ATP8A1: variants seen among roughly 807,000 people sequenced by gnomAD.
The protein encoded by ATP8A1 is ATPase phospholipid transporting 8A1, also known as phospholipid-transporting ATPase IA.
Under a neutral mutation model 177.7 loss-of-function variants are expected in ATP8A1, and 90 were observed. The ratio of observed to expected loss-of-function variants is 0.51; its 90% CI spans 0.43 to 0.60. The LOEUF (loss-of-function observed/expected upper bound fraction) is 0.60, where lower values mean the gene tolerates loss of function less well. ATP8A1 is among the 20% of genes least tolerant of loss of function. ATP8A1 has a pLI of 0.00. For missense variants in ATP8A1, 1,072 were observed against 1,392.8 expected (o/e 0.77, Z 3.67); for synonymous variants, 493 against 485.9 (o/e 1.01, Z -0.19).
At chr4:42,487,659 T>C (rs1316956487) in intron 24 of ATP8A1, among the ~76,000 whole-genome samples, 1 of 152,186 alleles carries the variant, frequency 6.6e-6, no homozygotes, top group Non-Finnish European at 1.5e-5. Flanking sequence ...TATGGTCATT[T>C]TGTAGTTATT....
intron 30 of ATP8A1, among the ~76,000 whole-genome samples, chr4:42,447,355 T>C (rs1417938872): frequency 2.0e-5 from 3 of 151,938 alleles, no homozygotes; most frequent in Non-Finnish European, 2.9e-5. Flanking sequence ...GCTAATTTTG[T>C]TATTTTTAGT....
intron 25 of ATP8A1, among the ~76,000 whole-genome samples, chr4:42,482,420 A>G (rs900894087): frequency 2.0e-5 from 3 of 152,186 alleles, no homozygotes; most frequent in Non-Finnish European, 4.4e-5. Flanking sequence ...TATACTTAAG[A>G]AAAATATTTG....
chr4:42,652,327 CCA>C (rs919159917), intron 1 of ATP8A1, among the ~76,000 whole-genome samples: 20 of 152,098 alleles, frequency 1.3e-4, no homozygotes, highest in African/African-American at 4.8e-4. Flanking sequence ...CCCAAGCCCA[CCA>C]CAGATTTACT....
intron 25 of ATP8A1, among the ~76,000 whole-genome samples, chr4:42,475,790 C>T (rs998226118): frequency 6.6e-6 from 1 of 152,054 alleles, no homozygotes; most frequent in Non-Finnish European, 1.5e-5. Context: ...GTAATCCCAG[C>T]GCTTTGGGAG....
chr4:42,424,575 G>A (rs1397223803), intron 33 of ATP8A1, among the ~76,000 whole-genome samples: 1 of 152,130 alleles, frequency 6.6e-6, no homozygotes, highest in Admixed American at 6.5e-5. Flanking sequence ...ATCAGGTATG[G>A]TTCAGGAATT....
At chr4:42,588,473 C>G (rs777470020) in intron 7 of ATP8A1, 144 bp from the exon 8 acceptor site, 3 of 643,404 alleles carry the variant, frequency 4.7e-6, no homozygotes, top group Non-Finnish European at 7.7e-6. Context: ...TTCATTCTAA[C>G]AGCAAGATGC....
chr4:42,589,942 G>A (rs1264948682), intron 7 of ATP8A1, among the ~76,000 whole-genome samples: 1 of 151,836 alleles, frequency 6.6e-6, no homozygotes, highest in Non-Finnish European at 1.5e-5. Context: ...TTGAAGTTGG[G>A]GTAATAAAAT....
chr4:42,653,340 T>TTTTG (rs10654810), intron 1 of ATP8A1, among the ~76,000 whole-genome samples: 138,481 of 151,986 alleles, frequency 0.91, 63,239 homozygotes, highest in African/African-American at 0.98. Context: ...TTTGTGTGTG[T>TTTTG]TTTGTCTCCT....
chr4:42,573,579 C>T (rs114295235), intron 14 of ATP8A1, among the ~76,000 whole-genome samples: 1,885 of 152,266 alleles, frequency 0.012, 42 homozygotes, highest in African/African-American at 0.044. Context: ...GTGAAAAAGC[C>T]ACTCAACTGC....
intron 5 of ATP8A1, among the ~76,000 whole-genome samples, chr4:42,614,628 C>T (rs17593366): frequency 0.29 from 43,810 of 151,898 alleles, 6,464 homozygotes; most frequent in East Asian, 0.47. Context: ...CCTTCAACAG[C>T]GACTCAATAT....
chr4:42,455,972 T>C (rs1718439931), intron 27 of ATP8A1, among the ~76,000 whole-genome samples: 1 of 152,206 alleles, frequency 6.6e-6, no homozygotes, highest in African/African-American at 2.4e-5. Context: ...TATTTAAAGA[T>C]TGTTTTTTAA....
At chr4:42,447,139 A>G (rs770055437) in intron 30 of ATP8A1, among the ~76,000 whole-genome samples, 2 of 152,210 alleles carry the variant, frequency 1.3e-5, no homozygotes, top group African/African-American at 2.4e-5. Context: ...GGCATATTTT[A>G]AAGTATTTTG....
chr4:42,468,971 A>G (rs1427001882), intron 25 of ATP8A1, among the ~76,000 whole-genome samples: 1 of 152,048 alleles, frequency 6.6e-6, no homozygotes, highest in Non-Finnish European at 1.5e-5. Context: ...ACAAACTGTG[A>G]TGCAGGTCAA....
At chr4:42,485,250 A>C (rs1285909222) in intron 25 of ATP8A1, among the ~76,000 whole-genome samples, 1 of 152,216 alleles carries the variant, frequency 6.6e-6, no homozygotes, top group Non-Finnish European at 1.5e-5. Context: ...AATGAATTTT[A>C]AACAAAGATA....
chr4:42,590,581 C>T (rs1734063112), intron 7 of ATP8A1, among the ~76,000 whole-genome samples: 1 of 152,100 alleles, frequency 6.6e-6, no homozygotes, highest in Non-Finnish European at 1.5e-5. Context: ...TCTTAGACTC[C>T]TATTGATAAC....
intron 27 of ATP8A1, 113 bp downstream of exon 27, chr4:42,464,577 A>G (rs1045193976): frequency 7.8e-6 from 5 of 643,126 alleles, no homozygotes; most frequent in Non-Finnish European, 1.0e-5. Context: ...TAGAATTTAT[A>G]AAGAGTTGGC....
intron 24 of ATP8A1, among the ~76,000 whole-genome samples, chr4:42,486,644 G>A (rs1217376283): frequency 6.6e-6 from 1 of 152,162 alleles, no homozygotes; most frequent in Non-Finnish European, 1.5e-5. Context: ...ATGAATGAAG[G>A]GAAGAAGTTG....
intron 4 of ATP8A1, among the ~76,000 whole-genome samples, chr4:42,622,665 C>T (rs1405614484): frequency 6.6e-6 from 1 of 152,002 alleles, no homozygotes; most frequent in Admixed American, 6.6e-5. Flanking sequence ...GGTCTAATAT[C>T]CGGCATCTAC....
chr4:42,500,090 C>T (rs1578057690), intron 24 of ATP8A1, among the ~76,000 whole-genome samples: 2 of 152,198 alleles, frequency 1.3e-5, no homozygotes, highest in African/African-American at 4.8e-5. Context: ...CTTGGCTGGG[C>T]GCAGTGGCTC....
Sources: gnomAD v4.1 joint callset for allele counts (sites outside exome capture counted in the v4.1 genomes callset) on GRCh38, gnomAD v4.1.1 for gene constraint, MANE v1.5 for transcripts, NCBI Gene and HGNC (gene_info 2026-07-23, HGNC 2026-07-21) for gene names.